CNTNAP2: variants seen among roughly 807,000 people sequenced by gnomAD.
CNTNAP2 encodes the protein contactin associated protein 2.
CNTNAP2 carries 98 observed loss-of-function variants against 155.2 expected under a neutral mutation model. The ratio of observed to expected loss-of-function variants is 0.63; its 90% CI spans 0.54 to 0.75. The LOEUF (loss-of-function observed/expected upper bound fraction) is 0.75, where lower values mean the gene tolerates loss of function less well. Among genes scored for constraint, CNTNAP2 ranks in the 30% least tolerant of loss-of-function variants. The pLI, the probability that CNTNAP2 is intolerant of heterozygous loss-of-function variation, is 0.00. For synonymous variants in CNTNAP2, 651 were observed against 631.2 expected (o/e 1.03, Z -0.47); for missense variants, 1,727 against 1,688.1 (o/e 1.02, Z -0.40).
At chr7:146,892,035 A>G (rs1795788572) in intron 3 of CNTNAP2, among the ~76,000 whole-genome samples, 1 of 152,144 alleles carries the variant, frequency 6.6e-6, no homozygotes, top group Non-Finnish European at 1.5e-5. Context: ...GCTTTAAACA[A>G]CAGCAGCAAT....
intron 8 of CNTNAP2, among the ~76,000 whole-genome samples, chr7:147,191,352 T>C (rs1200488864): frequency 2.0e-5 from 3 of 152,200 alleles, no homozygotes; most frequent in African/African-American, 7.2e-5. Context: ...TAAATATCAT[T>C]TTTATGAGAA....
chr7:147,162,969 C>T (rs1802055624), intron 8 of CNTNAP2, among the ~76,000 whole-genome samples: 1 of 152,122 alleles, frequency 6.6e-6, no homozygotes, highest in Non-Finnish European at 1.5e-5. Flanking sequence ...GGACCAGCAG[C>T]TTCTCCAGGA....
chr7:147,180,554 T>C (rs536476085), intron 8 of CNTNAP2, among the ~76,000 whole-genome samples: 97 of 152,262 alleles, frequency 6.4e-4, no homozygotes, highest in African/African-American at 2.1e-3. Flanking sequence ...TATAGAAATA[T>C]AGTTGATAAA....
intron 1 of CNTNAP2, among the ~76,000 whole-genome samples, chr7:146,178,622 A>T (rs1453904653): frequency 2.0e-5 from 3 of 152,252 alleles, no homozygotes; most frequent in South Asian, 2.1e-4. Context: ...TTAACATTTT[A>T]AAATTTCCTA....
chr7:148,150,102 CAAA>C (rs71188948), intron 17 of CNTNAP2, among the ~76,000 whole-genome samples: 3,322 of 84,130 alleles, frequency 0.039, 15 homozygotes, highest in African/African-American at 0.055. Context: ...GGGGTTGTTA[CAAA>C]AAAAAAAAAA....
At chr7:147,256,745 G>C (rs1804336824) in intron 8 of CNTNAP2, among the ~76,000 whole-genome samples, 1 of 152,118 alleles carries the variant, frequency 6.6e-6, no homozygotes, top group African/African-American at 2.4e-5. Context: ...CTGTGTGAGG[G>C]GAGTGGTGGG....
At chr7:147,017,896 G>A (rs188530573) in intron 3 of CNTNAP2, among the ~76,000 whole-genome samples, 1 of 152,038 alleles carries the variant, frequency 6.6e-6, no homozygotes, top group East Asian at 1.9e-4. Context: ...ATACAAAATT[G>A]GCTAATAATG....
intron 3 of CNTNAP2, among the ~76,000 whole-genome samples, chr7:147,034,663 G>A (rs1799112495): frequency 6.6e-6 from 1 of 152,132 alleles, no homozygotes; most frequent in African/African-American, 2.4e-5. Flanking sequence ...AGGTTTTACT[G>A]AATGGAGGCG....
chr7:146,745,963 A>G (rs759507882), intron 1 of CNTNAP2, among the ~76,000 whole-genome samples: 3 of 152,188 alleles, frequency 2.0e-5, no homozygotes, highest in African/African-American at 7.2e-5. Context: ...AAATCTCTTC[A>G]TTAAGCACTG....
chr7:146,851,841 C>T (rs1794885370), intron 3 of CNTNAP2, among the ~76,000 whole-genome samples: 1 of 151,604 alleles, frequency 6.6e-6, no homozygotes, highest in Non-Finnish European at 1.5e-5. Context: ...TCACCATGCC[C>T]AGATAATTTT....
At chr7:147,365,930 G>A (rs13227021) in intron 9 of CNTNAP2, among the ~76,000 whole-genome samples, 23,635 of 152,036 alleles carry the variant, frequency 0.16, 2,096 homozygotes, top group East Asian at 0.35. Context: ...AGTCTGTTCT[G>A]CTGGCTTTCA....
At position 146,442,819 on chromosome 7, in the gene CNTNAP2, G is replaced by A. The variant is rs549449516; in HGVS notation, c.97+325846G>A. ...CTGAGGAGGTGAGTGTAAGCACTAA[G>A]CATTCTTCTTGTCTTGGGTGCAGAT... On this transcript the variant is annotated intron_variant, in intron 1 of 23. Transcript: ENST00000361727. 2.6e-5 allele frequency among the ~76,000 whole-genome samples: 4 copies of A among 152,260 alleles called. No homozygotes were observed. In the East Asian group the frequency reaches 7.7e-4, roughly 29 times the overall value.
chr7:147,085,672 A>G (rs1044806212), intron 4 of CNTNAP2: 1 of 152,214 alleles, frequency 6.6e-6, no homozygotes, highest in African/African-American at 2.4e-5. Flanking sequence ...CTGTAAGTGT[A>G]AACATTTTAC....
intron 13 of CNTNAP2, among the ~76,000 whole-genome samples, chr7:147,701,974 C>A (rs1359534243): frequency 6.6e-6 from 1 of 151,668 alleles, no homozygotes; most frequent in African/African-American, 2.4e-5. Context: ...TGTTATTGAA[C>A]CTGTTTCCTT....
rs1796182205 is a variant in CNTNAP2 at position 146,432,148 on chromosome 7, G to C, written c.97+315175G>C. The stretch of plus-strand genomic sequence containing the variant: ...CAGTCACAGCAAAAAGTCAAACTCA[G>C]ATGATTCAATTTACTCATTGATGTA... On this transcript the variant is annotated intron_variant, in intron 1 of 23. Transcript: ENST00000361727. 1.3e-5 allele frequency among the ~76,000 whole-genome samples: 2 copies of C among 152,002 alleles called. 1 individual carries two copies. The highest frequency in any genetic ancestry group is 4.1e-4 in the South Asian group (2 of 4,830).
intron 1 of CNTNAP2, among the ~76,000 whole-genome samples, chr7:146,671,425 T>TCACACACA (rs1554465666): frequency 3.1e-4 from 21 of 67,094 alleles, no homozygotes; most frequent in Non-Finnish European, 7.3e-4. Context: ...TCTTTTTTTG[T>TCACACACA]CACTCACACA....
chr7:147,658,869 C>T (rs1795571329), intron 13 of CNTNAP2, among the ~76,000 whole-genome samples: 1 of 152,114 alleles, frequency 6.6e-6, no homozygotes, highest in Admixed American at 6.6e-5. Flanking sequence ...GTCTTGCTGG[C>T]CTGGGAGCTA....
chr7:146,667,499 A>G (rs112550645), intron 1 of CNTNAP2, among the ~76,000 whole-genome samples: 7,488 of 151,102 alleles, frequency 0.05, 669 homozygotes, highest in African/African-American at 0.17. Flanking sequence ...TTTTTTTTCT[A>G]TTTCTGTGGA....
chr7:148,364,789 C>G (rs897399409), intron 21 of CNTNAP2, among the ~76,000 whole-genome samples: 41 of 152,282 alleles, frequency 2.7e-4, no homozygotes, highest in Middle Eastern at 6.8e-3. Flanking sequence ...GCAGGCTGCC[C>G]GAGCCAGCAT....
Sources: gnomAD v4.1 joint callset for allele counts (sites outside exome capture counted in the v4.1 genomes callset) on GRCh38, gnomAD v4.1.1 for gene constraint, MANE v1.5 for transcripts, NCBI Gene and HGNC (gene_info 2026-07-23, HGNC 2026-07-21) for gene names.